Variants in TENM1 observed in about 807,000 individuals in gnomAD.
TENM1 encodes the protein teneurin-1.
Under a neutral mutation model 174.8 loss-of-function variants are expected in TENM1, and 35 were observed. That is an observed-to-expected ratio of 0.20 (90% CI 0.15 to 0.27). TENM1 has a LOEUF of 0.27. Among genes scored for constraint, TENM1 ranks in the 10% least tolerant of loss-of-function variants. The pLI, the probability that TENM1 is intolerant of heterozygous loss-of-function variation, is 1.00. For synonymous variants in TENM1, 781 were observed against 798.7 expected, an observed-to-expected ratio of 0.98 and a Z score of 0.37; for missense variants, 1,633 against 2,130.1, an observed-to-expected ratio of 0.77 and a Z score of 4.59.
At chrX:124,801,388 T>C (rs1462705760) in intron 3 of TENM1, among the ~76,000 whole-genome samples, 1 of 111,840 alleles carries the variant, frequency 8.9e-6, no homozygotes, top group East Asian at 2.8e-4. Flanking sequence ...TTAAAGTCTG[T>C]CTTGTCAGAG....
chrX:124,754,022 T>A (rs1474545106), intron 3 of TENM1, among the ~76,000 whole-genome samples: 2 of 111,844 alleles, frequency 1.8e-5, no homozygotes, highest in East Asian at 5.6e-4. Context: ...TAGGGAGGAT[T>A]CCCTCTTTTT....
intron 31 of TENM1, among the ~76,000 whole-genome samples, chrX:124,382,207 ATATT>A (rs2060165540): frequency 9.0e-6 from 1 of 111,292 alleles, no homozygotes; most frequent in African/African-American, 3.3e-5. Flanking sequence ...TACCCTTGTA[ATATT>A]TATTATTTTT....
intron 5 of TENM1, among the ~76,000 whole-genome samples, chrX:124,683,783 T>C (rs961753764): frequency 1.2e-4 from 13 of 111,881 alleles, no homozygotes; most frequent in Admixed American, 4.8e-4. Flanking sequence ...AAGATGCAAG[T>C]TTCTCTTTAA....
intron 3 of TENM1, among the ~76,000 whole-genome samples, chrX:124,855,697 A>G (rs1209364484): frequency 9.0e-6 from 1 of 111,527 alleles, no homozygotes; most frequent in Non-Finnish European, 1.9e-5. Context: ...AAGAGGAAAG[A>G]AGCAAAGTTG....
intron 11 of TENM1, among the ~76,000 whole-genome samples, chrX:124,614,891 C>T (rs745557439): frequency 2.7e-5 from 3 of 111,246 alleles, no homozygotes; most frequent in Non-Finnish European, 5.7e-5. Flanking sequence ...CACACACACA[C>T]AAAAAAAGCA....
intron 1 of TENM1, among the ~76,000 whole-genome samples, chrX:124,941,363 C>T (rs2058323566): frequency 8.9e-6 from 1 of 111,936 alleles, no homozygotes; most frequent in South Asian, 3.7e-4. Flanking sequence ...TATAATACCA[C>T]TTGTCTTGAA....
intron 23 of TENM1, among the ~76,000 whole-genome samples, chrX:124,443,907 T>C (rs2060937722): frequency 1.8e-5 from 2 of 112,365 alleles, no homozygotes; most frequent in African/African-American, 6.5e-5. Flanking sequence ...TACACCATTA[T>C]CCAGTTGAAA....
chrX:124,542,840 G>A (rs773237563), intron 15 of TENM1, among the ~76,000 whole-genome samples: 2 of 111,222 alleles, frequency 1.8e-5, no homozygotes, highest in Non-Finnish European at 3.8e-5. Flanking sequence ...GCGAACTAAG[G>A]GGAGAAATAT....
the TENM1 span, among the ~76,000 whole-genome samples, chrX:125,114,674 C>T: frequency 9.0e-6 from 1 of 111,185 alleles, no homozygotes; most frequent in Non-Finnish European, 1.9e-5. Flanking sequence ...CATACACCCT[C>T]CCAAGACTAA....
the TENM1 span, among the ~76,000 whole-genome samples, chrX:125,081,537 C>T: frequency 9.0e-6 from 1 of 111,087 alleles, no homozygotes; most frequent in African/African-American, 3.3e-5. Flanking sequence ...CCTGATTCCT[C>T]TTTCCCTCCT....
At chrX:124,545,646 A>G (rs1365534104) in intron 15 of TENM1, among the ~76,000 whole-genome samples, 1 of 112,080 alleles carries the variant, frequency 8.9e-6, no homozygotes, top group Non-Finnish European at 1.9e-5. Flanking sequence ...CCTCTGGTGT[A>G]TAATAAATAA....
chrX:124,813,563 CTGGT>C (rs1569453190), intron 3 of TENM1, among the ~76,000 whole-genome samples: 1 of 111,528 alleles, frequency 9.0e-6, no homozygotes, highest in Non-Finnish European at 1.9e-5. Context: ...TTGAGAAGTA[CTGGT>C]TAAATACATT....
At chrX:124,776,793 T>C (rs1386655551) in intron 3 of TENM1, among the ~76,000 whole-genome samples, 1 of 111,737 alleles carries the variant, frequency 8.9e-6, no homozygotes, top group Non-Finnish European at 1.9e-5. Flanking sequence ...TCCTTTTTTG[T>C]GAGTAGCCTT....
At chrX:124,973,419 GT>G in the TENM1 span, among the ~76,000 whole-genome samples, 5 of 111,501 alleles carry the variant, frequency 4.5e-5, no homozygotes, top group Non-Finnish European at 9.4e-5. Context: ...ATTTAAAGTA[GT>G]TTTTTTCTAA....
chrX:125,129,657 T>A, the TENM1 span, among the ~76,000 whole-genome samples: 6 of 110,036 alleles, frequency 5.5e-5, no homozygotes, highest in Admixed American at 2.0e-4. Context: ...GGTCAATTAC[T>A]ATAATTTTTA....
the TENM1 span, among the ~76,000 whole-genome samples, chrX:125,044,202 T>TAAAAAAAAAAAAAAAAAAAAAAAAA: frequency 1.8e-5 from 1 of 55,849 alleles, no homozygotes; most frequent in East Asian, 4.6e-4. Flanking sequence ...AGATTAAAAA[T>TAAAAAAAAAAAAAAAAAAAAAAAAA]AAAAAAAAAT....
At chrX:125,056,983 C>T in the TENM1 span, among the ~76,000 whole-genome samples, 3 of 109,155 alleles carry the variant, frequency 2.7e-5, no homozygotes, top group Admixed American at 2.9e-4. Flanking sequence ...TTCAAACAAA[C>T]AAAAAAAAAT....
At chrX:124,872,137 G>A (rs2057122545) in intron 3 of TENM1, among the ~76,000 whole-genome samples, 1 of 109,685 alleles carries the variant, frequency 9.1e-6, no homozygotes, top group African/African-American at 3.3e-5. Context: ...TATCCTGTAA[G>A]CCAGGTGAAA....
chrX:124,895,299 G>A (rs1204567079), intron 2 of TENM1, among the ~76,000 whole-genome samples: 1 of 112,002 alleles, frequency 8.9e-6, no homozygotes, highest in Non-Finnish European at 1.9e-5. Flanking sequence ...TGCTTTTTAT[G>A]AAAAGATTTT....
Sources: allele counts gnomAD v4.1 joint callset (sites outside exome capture counted in the v4.1 genomes callset), GRCh38; gene constraint gnomAD v4.1.1; transcripts MANE v1.5; gene names NCBI Gene and HGNC (gene_info 2026-07-23, HGNC 2026-07-21).